PLEKHA4: variants seen among roughly 807,000 people sequenced by gnomAD.
The protein encoded by PLEKHA4 is pleckstrin homology domain containing A4, also known as pleckstrin homology domain-containing family A member 4.
In PLEKHA4, 73 loss-of-function variants were observed where a neutral mutation model predicts 94.7. The ratio of observed to expected loss-of-function variants is 0.77; its 90% CI spans 0.64 to 0.94. The LOEUF (loss-of-function observed/expected upper bound fraction) is 0.94. PLEKHA4 is among the 40% of genes least tolerant of loss of function. PLEKHA4 has a pLI of 0.00. For missense variants in PLEKHA4, 1,049 were observed against 1,054.1 expected (o/e 1.00, Z 0.07); for synonymous variants, 449 against 437.1 (o/e 1.03, Z -0.34).
At chr19:48,863,909 G>A (rs2036740110) in intron 3 of PLEKHA4, among the ~76,000 whole-genome samples, 1 of 152,166 alleles carries the variant, frequency 6.6e-6, no homozygotes. Context: ...GTTTGAAGGT[G>A]CATAAGAATC....
intron 13 of PLEKHA4, among the ~76,000 whole-genome samples, chr19:48,849,455 T>A (rs1391520812): frequency 6.6e-6 from 1 of 152,008 alleles, no homozygotes; most frequent in Admixed American, 6.6e-5. Context: ...ACTACAGGCG[T>A]GCACCAGCAC....
intron 2 of PLEKHA4, among the ~76,000 whole-genome samples, chr19:48,866,655 A>G (rs1024593558): frequency 1.3e-5 from 2 of 152,064 alleles, no homozygotes; most frequent in African/African-American, 4.8e-5. Context: ...GGCAAGGAAG[A>G]GGCTGTAGGG....
In PLEKHA4 at chr19:48,867,524, A is replaced by C; in HGVS notation, c.84+13T>G. On this transcript the variant is annotated intron_variant, in intron 2 of 19. Coordinates refer to ENST00000263265, the MANE Select transcript of PLEKHA4 (RefSeq NM_020904.3). This position sits in a 1 kb window ranked among gnomAD's most constrained non-coding sequence, Gnocchi z 4.7. ...CCCCACCTTCCTCCCCATCCCCGCC[A>C]GGAAGCTCAAACCTTGGGGCTCAGG... The C allele has an allele frequency of 6.3e-7, 1 of 1,587,548 alleles. No homozygotes were observed. The highest frequency in any genetic ancestry group is 1.2e-5 in the South Asian group (1 of 86,588).
intron 14 of PLEKHA4, 72 bp downstream of exon 14, chr19:48,847,828 G>T: frequency 1.4e-6 from 2 of 1,464,254 alleles, no homozygotes; most frequent in East Asian, 4.9e-5. Flanking sequence ...AAAGAGGTGG[G>T]TGGGGAATAG....
At chr19:48,864,111 T>C (rs1329293824) in intron 3 of PLEKHA4, among the ~76,000 whole-genome samples, 6 of 152,014 alleles carry the variant, frequency 3.9e-5, no homozygotes, top group Admixed American at 3.3e-4. Context: ...CTGGCCTCAC[T>C]TGACACCAAG....
chr19:48,844,721 C>T lies in PLEKHA4; in HGVS notation c.1743+649G>A, dbSNP rs537990307. 4.1e-4 allele frequency: 340 copies of T among 839,262 alleles called. No homozygotes were observed. In the African/African-American group the frequency reaches 5.6e-3, roughly 14 times the overall value. The allele number at this position is 839,262 out of a possible 1,614,324, so 52.0% of individuals were successfully genotyped here. On this transcript the variant is annotated intron_variant, in intron 16 of 19. Transcript: ENST00000263265. ...TCCACAGCTTAAAGTCAACCAATTC[C>T]TAAACATTCCTGCCACTAGAAGTCA...
At position 48,841,252 on chromosome 19, in the gene PLEKHA4, T is replaced by A; in HGVS notation, c.1802A>T (p.Asn601Ile). The change falls in exon 17 of 20, where the codon AAC (asparagine) becomes ATC (isoleucine). Residue 601 changes from asparagine to isoleucine, a missense_variant. Asn to Ile is a moderately radical substitution (Grantham distance 149). Transcript: ENST00000263265. ...AQEQLERMRR[N>I]QECGRPFPRP... Reference sequence around the variant, plus strand: ...AGGGAAGGGCCGTCCACATTCCTGGTTTCTGCGCATCCGCTCCAGCTGCTC... The same window carrying A: ...AGGGAAGGGCCGTCCACATTCCTGGATTCTGCGCATCCGCTCCAGCTGCTC... 1 of 1,613,554 alleles carries A rather than the reference T, an allele frequency of 6.2e-7. No homozygotes were observed. The highest frequency in any genetic ancestry group is 8.5e-7 in the Non-Finnish European group (1 of 1,179,878).
intron 9 of PLEKHA4, 84 bp from the exon 10 acceptor site, chr19:48,854,348 A>AGAGACAGGGCGTGG: frequency 9.1e-7 from 1 of 1,098,318 alleles, no homozygotes; most frequent in Non-Finnish European, 1.4e-6. Flanking sequence ...CCCTGTCTCT[A>AGAGACAGGGCGTGG]CTGATAGGTA....
At position 48,858,627 on chromosome 19, in the gene PLEKHA4, C is replaced by CAAAAAAAAAAAAAAAAAAAAAAAAAA. The variant is rs56663437; in HGVS notation, c.972+232_972+233insTTTTTTTTTTTTTTTTTTTTTTTTTT. Reference sequence around the variant, plus strand: ...TGGCGACAGAGCAAGACCTCAGTCTCAAAAAAAAAAAAAAAAAGCAATGGC... The same window carrying CAAAAAAAAAAAAAAAAAAAAAAAAAA: ...TGGCGACAGAGCAAGACCTCAGTCTCAAAAAAAAAAAAAAAAAAAAAAAAAAAAAAAAAAAAAAAAAAAGCAATGGC... On this transcript the variant is annotated intron_variant, in intron 8 of 19. Transcript: ENST00000263265. 6.0e-4 allele frequency among the ~76,000 whole-genome samples: 38 copies of CAAAAAAAAAAAAAAAAAAAAAAAAAA among 63,412 alleles called. 5 individuals are homozygous for CAAAAAAAAAAAAAAAAAAAAAAAAAA. The highest frequency in any genetic ancestry group is 1.2e-3 in the African/African-American group (11 of 9,232). 41.6% of individuals were successfully genotyped at this position (63,412 alleles called of 152,430 possible).
At chr19:48,864,008 C>A (rs2036743619) in intron 3 of PLEKHA4, among the ~76,000 whole-genome samples, 1 of 152,148 alleles carries the variant, frequency 6.6e-6, no homozygotes. Flanking sequence ...TCATCATTTG[C>A]CTTTCTAGCA....
chr19:48,864,091 G>C (rs1301398942), intron 3 of PLEKHA4, among the ~76,000 whole-genome samples: 1 of 151,956 alleles, frequency 6.6e-6, no homozygotes, highest in Non-Finnish European at 1.5e-5. Flanking sequence ...GCTCCTCCTG[G>C]CTTCTTCCCC....
At position 48,837,515 on chromosome 19, in the gene PLEKHA4, C is replaced by T. The variant is rs142356766; in HGVS notation, c.2114G>A (p.Gly705Asp). 3.7e-6 allele frequency: 6 copies of T among 1,613,180 alleles called. No individual in the cohort carries two copies. Among genetic ancestry groups the T allele is most frequent in the Admixed American group, 1.7e-5 (1 of 59,744 alleles). The change falls in exon 20 of 20, where the codon GGT becomes GAT. Residue 705 changes from glycine (G) to aspartate (D), a missense_variant. By Grantham distance (94) the Gly-to-Asp change is moderately conservative. Coordinates refer to ENST00000263265, the MANE Select transcript of PLEKHA4 (RefSeq NM_020904.3). This position sits in a 1 kb window ranked among gnomAD's most constrained non-coding sequence, Gnocchi z 4.3. Reference sequence around the variant, plus strand: ...GGGGTCCGAAGGAGGCAGCGGCACACCGGGAAGAGGGTCTCCCTGGGAGTC... The same window carrying T: ...GGGGTCCGAAGGAGGCAGCGGCACATCGGGAAGAGGGTCTCCCTGGGAGTC... ...NLDSQGDPLPGVPLPPSDPTR... is the reference protein window; with the variant it reads ...NLDSQGDPLPDVPLPPSDPTR...
chr19:48,841,413 G>T, intron 16 of PLEKHA4, 103 bp from the exon 17 acceptor site: 1 of 1,277,500 alleles, frequency 7.8e-7, no homozygotes, highest in Non-Finnish European at 1.0e-6. Context: ...GATCACTTGA[G>T]GTCAGGAGTT....
Position 48,853,743 on chromosome 19 carries a change from C to A in PLEKHA4, c.1265G>T (p.Arg422Leu). The A allele has an allele frequency of 6.2e-7, 1 of 1,611,430 alleles. No homozygotes were observed. Among genetic ancestry groups the A allele is most frequent in the East Asian group, 2.2e-5 (1 of 44,822 alleles). ...CAGCCGGTCCTGCAAGAGGCGCTGGCGACCCCAGGCCCTCCCGGGAGCCCC... is the reference window on the plus strand; with the variant it reads ...CAGCCGGTCCTGCAAGAGGCGCTGGAGACCCCAGGCCCTCCCGGGAGCCCC... ...EAGAPGRAWGRQRLLQDRLVS... is the reference protein window; with the variant it reads ...EAGAPGRAWGLQRLLQDRLVS... The change falls in exon 12 of 20, where the codon CGC (arginine) becomes CTC (leucine). Residue 422 changes from arginine to leucine, a missense_variant. Transcript: ENST00000263265.
chr19:48,862,108 CAT>C (rs1032386879), intron 3 of PLEKHA4, among the ~76,000 whole-genome samples: 3 of 151,770 alleles, frequency 2.0e-5, no homozygotes, highest in African/African-American at 7.3e-5. Context: ...GACAGAGACA[CAT>C]GTTTGGGGCA....
Position 48,858,983 on chromosome 19 carries a change from A to G in PLEKHA4, c.849T>C (p.Asp283=). 1 of 1,581,708 alleles carries G rather than the reference A, an allele frequency of 6.3e-7. No homozygotes were observed. Among genetic ancestry groups the G allele is most frequent in the East Asian group, 2.3e-5 (1 of 43,442 alleles). ...AGAGGGTCTGGCGTTGGGGGCCCCA[A>G]TCCAGAGGAGGTCGGACATCAATGC... ...LSRIDVRPPL[D]WGPQRQTLSR... is the part of the protein sequence containing the mutation. The change falls in exon 8 of 20, where the codon GAT becomes GAC. Residue 283 remains aspartate, a synonymous_variant. Coordinates refer to ENST00000263265, the MANE Select transcript of PLEKHA4 (RefSeq NM_020904.3).
chr19:48,854,091 G>A lies in PLEKHA4; in HGVS notation c.1096-4C>T. ...CGCACAACTTGGTCAGCAGCGTCTG[G>A]AGAAAGGAGAGCGGGAGCTACTGAT... On this transcript the variant is annotated splice_region_variant and splice_polypyrimidine_tract_variant and intron_variant, in intron 10 of 19. Transcript: ENST00000263265. 1.2e-6 allele frequency: 2 copies of A among 1,614,162 alleles called. No homozygotes were observed. The highest frequency in any genetic ancestry group is 1.7e-6 in the Non-Finnish European group (2 of 1,180,032).
Position 48,861,665 on chromosome 19 carries a change from G to T in PLEKHA4, c.220C>A (p.Arg74Ser), listed in dbSNP as rs753660572. The T allele has an allele frequency of 6.2e-7, 1 of 1,614,062 alleles. No individual in the cohort carries two copies. The highest frequency in any genetic ancestry group is 1.3e-5 in the African/African-American group (1 of 74,948). Reference sequence around the variant, plus strand: ...TGGCCGGAGAGGACGAACCAGCGGCGTTTCCAGAGACGGAGCCCCGAGCTG... The same window carrying T: ...TGGCCGGAGAGGACGAACCAGCGGCTTTTCCAGAGACGGAGCCCCGAGCTG... ...QDSSGLRLWKRRWFVLSGHCL... is the reference protein window; with the variant it reads ...QDSSGLRLWKSRWFVLSGHCL... Residue 74 changes from arginine (R) to serine (S), a missense_variant, in exon 4 of 20, where the codon CGC becomes AGC. Coordinates refer to ENST00000263265, the MANE Select transcript of PLEKHA4 (RefSeq NM_020904.3).
intron 12 of PLEKHA4, among the ~76,000 whole-genome samples, 179 bp downstream of exon 12, chr19:48,853,502 CA>C (rs35416059): frequency 0.41 from 55,616 of 135,080 alleles, 12,727 homozygotes; most frequent in African/African-American, 0.69. Context: ...CTGTCCCCCC[CA>C]AAAAAAAAAA....
Sources: gnomAD v4.1 joint callset for allele counts (sites outside exome capture counted in the v4.1 genomes callset) on GRCh38, gnomAD v4.1.1 for gene constraint, Gnocchi (gnomAD v3.1) non-coding constraint, MANE v1.5 for transcripts, NCBI Gene and HGNC (gene_info 2026-07-23, HGNC 2026-07-21) for gene names.